MSMB: variants seen among roughly 807,000 people sequenced by gnomAD.
MSMB encodes microseminoprotein beta.
A neutral mutation model predicts 10.5 loss-of-function variants in MSMB; 10 were observed. The observed-to-expected ratio is 0.95, with a 90% CI of 0.59 to 1.62. MSMB has a LOEUF of 1.62. Ranked by LOEUF, MSMB falls within the 40% of genes most tolerant of loss-of-function variation. The pLI is 0.00. For synonymous variants in MSMB, 43 were observed against 46.5 expected (o/e 0.93, Z 0.30); for missense variants, 126 against 137.4 (o/e 0.92, Z 0.42).
intron 1 of MSMB, among the ~76,000 whole-genome samples, chr10:46,041,794 TAA>T (rs543118188): frequency 1.4e-5 from 2 of 140,812 alleles, no homozygotes; most frequent in African/African-American, 2.6e-5. Context: ...ACCCTGTCTT[TAA>T]AAAAAAAAAG....
intron 3 of MSMB, among the ~76,000 whole-genome samples, chr10:46,033,884 G>A (rs1450466096): frequency 1.3e-5 from 2 of 152,192 alleles, no homozygotes; most frequent in Non-Finnish European, 2.9e-5. Flanking sequence ...ATTGTTGCTA[G>A]AATGTGGAAA....
chr10:46,044,955 C>T (rs1472780435), intron 1 of MSMB, among the ~76,000 whole-genome samples: 1 of 152,062 alleles, frequency 6.6e-6, no homozygotes, highest in Non-Finnish European at 1.5e-5. Flanking sequence ...GGGAGGACCT[C>T]CCACCCCACT....
chr10:46,038,761 GT>G (rs1370884272), intron 3 of MSMB, among the ~76,000 whole-genome samples: 1 of 152,130 alleles, frequency 6.6e-6, no homozygotes, highest in Non-Finnish European at 1.5e-5. Context: ...CGGGGAGGTC[GT>G]GCATGTGTGA....
intron 1 of MSMB, among the ~76,000 whole-genome samples, chr10:46,041,451 A>C (rs547291335): frequency 6.6e-6 from 1 of 152,320 alleles, no homozygotes; most frequent in African/African-American, 2.4e-5. Context: ...AGATTGCTAA[A>C]ATTAATTATG....
chr10:46,035,804 T>C (rs1023040723), intron 3 of MSMB, among the ~76,000 whole-genome samples: 10 of 152,152 alleles, frequency 6.6e-5, no homozygotes, highest in African/African-American at 2.2e-4. Flanking sequence ...GCACATTTTA[T>C]GTAGTATACA....
intron 3 of MSMB, among the ~76,000 whole-genome samples, chr10:46,037,496 G>A (rs145548749): frequency 1.1e-4 from 17 of 152,300 alleles, no homozygotes; most frequent in Admixed American, 3.3e-4. Context: ...ACGGCACTGC[G>A]GGTACTCTGT....
chr10:46,040,358 T>A (rs1840712189), intron 1 of MSMB, among the ~76,000 whole-genome samples: 1 of 151,904 alleles, frequency 6.6e-6, no homozygotes, highest in Non-Finnish European at 1.5e-5. Context: ...AAGATGGTGT[T>A]AAAAAAAATG....
At chr10:46,036,571 C>G (rs1194242299) in intron 3 of MSMB, among the ~76,000 whole-genome samples, 1 of 152,148 alleles carries the variant, frequency 6.6e-6, no homozygotes, top group African/African-American at 2.4e-5. Context: ...ATTTAATTAT[C>G]ATAGCCACAT....
chr10:46,035,483 T>G (rs1840579809), intron 3 of MSMB, among the ~76,000 whole-genome samples: 1 of 152,178 alleles, frequency 6.6e-6, no homozygotes, highest in Non-Finnish European at 1.5e-5. Context: ...GAAACAAGAA[T>G]GAAGTACTGA....
At chr10:46,034,804 G>A (rs1357146296) in intron 3 of MSMB, among the ~76,000 whole-genome samples, 5 of 149,198 alleles carry the variant, frequency 3.4e-5, no homozygotes, top group South Asian at 2.1e-4. Context: ...CATCCTGGGC[G>A]ACAGAGCAAG....
At chr10:46,044,640 G>A (rs1298567733) in intron 1 of MSMB, among the ~76,000 whole-genome samples, 3 of 147,344 alleles carry the variant, frequency 2.0e-5, no homozygotes, top group Non-Finnish European at 3.0e-5. Context: ...CTCCTGGAAG[G>A]GTTATCCCAT....
Position 46,033,442 on chromosome 10 carries a change from C to G in MSMB, c.325G>C (p.Val109Leu). Reference sequence around the variant, plus strand: ...GCACATTAGATTATCCATTCACTGACAGAACAGGTCTTTTTTGGGTCCTTC... The same window carrying G: ...GCACATTAGATTATCCATTCACTGAGAGAACAGGTCTTTTTTGGGTCCTTC... ...EKKDPKKTCS[V>L]SEWII Residue 109 changes from valine (V) to leucine (L), a missense_variant, in exon 4 of 4, where the codon GTC becomes CTC. Physicochemically the swap from Val to Leu is conservative, Grantham distance 32 (BLOSUM62 1). Coordinates refer to ENST00000582163, the MANE Select transcript of MSMB (RefSeq NM_002443.4). The G allele has an allele frequency of 9.3e-6, 15 of 1,613,878 alleles. No individual in the cohort carries two copies. Among genetic ancestry groups the G allele is most frequent in the Non-Finnish European group, 1.3e-5 (15 of 1,179,758 alleles).
In MSMB at chr10:46,040,083, G is replaced by A. The variant is rs375573350; in HGVS notation, c.12C>T (p.Leu4=). The change falls in exon 2 of 4, where the codon CTC becomes CTT. Residue 4 remains leucine, a synonymous_variant. Transcript: ENST00000582163. MNV[L]LGSVVIFATF... ...TGGCAAAGATCACAACGCTGCCCAG[G>A]AGAACATTCTGTAATGTGAAGAAAG... 2 of 1,613,562 alleles carry A rather than the reference G, an allele frequency of 1.2e-6. No individual in the cohort carries two copies.
chr10:46,043,906 C>T (rs1376202623), intron 1 of MSMB, among the ~76,000 whole-genome samples: 1 of 145,104 alleles, frequency 6.9e-6, no homozygotes, highest in Non-Finnish European at 1.5e-5. Context: ...AATACCTGAC[C>T]TCAAATGATC....
chr10:46,036,780 C>T (rs138682014), intron 3 of MSMB, among the ~76,000 whole-genome samples: 1 of 152,286 alleles, frequency 6.6e-6, no homozygotes, highest in Non-Finnish European at 1.5e-5. Context: ...AGTGGAGAAT[C>T]TTAGAAGAGG....
At chr10:46,039,230 C>T (rs573819785) in intron 2 of MSMB, among the ~76,000 whole-genome samples, 159 bp from the exon 3 acceptor site, 15 of 152,194 alleles carry the variant, frequency 9.9e-5, no homozygotes, top group African/African-American at 3.4e-4. Flanking sequence ...TATTCACCCA[C>T]GGCTAATTCC....
At chr10:46,036,977 G>A (rs188858513) in intron 3 of MSMB, among the ~76,000 whole-genome samples, 37 of 152,354 alleles carry the variant, frequency 2.4e-4, no homozygotes, top group Admixed American at 1.8e-3. Context: ...AGGTTCAGCT[G>A]TAATACCCAG....
intron 3 of MSMB, among the ~76,000 whole-genome samples, chr10:46,036,437 AGAAACCTT>A (rs1190463336): frequency 7.2e-5 from 11 of 152,234 alleles, no homozygotes; most frequent in African/African-American, 1.2e-4. Flanking sequence ...ACATGGCAGT[AGAAACCTT>A]GAAACCTTGA....
At chr10:46,041,718 A>C (rs1554928654) in intron 1 of MSMB, among the ~76,000 whole-genome samples, 1 of 151,878 alleles carries the variant, frequency 6.6e-6, no homozygotes, top group Non-Finnish European at 1.5e-5. Context: ...ACTTGAGCCC[A>C]GGAAGGTTGA....
Sources: allele counts gnomAD v4.1 joint callset (sites outside exome capture counted in the v4.1 genomes callset), GRCh38; gene constraint gnomAD v4.1.1; transcripts MANE v1.5; gene names NCBI Gene and HGNC (gene_info 2026-07-23, HGNC 2026-07-21).